Variants in NETO1 observed in about 807,000 individuals in gnomAD.
NETO1 encodes the protein neuropilin and tolloid-like protein 1.
NETO1 carries 26 observed loss-of-function variants against 61.3 expected under a neutral mutation model. The observed-to-expected ratio is 0.42, with a 90% CI of 0.31 to 0.59. The LOEUF (loss-of-function observed/expected upper bound fraction) is 0.59, where lower values mean the gene tolerates loss of function less well. Among genes scored for constraint, NETO1 ranks in the 20% least tolerant of loss-of-function variants. The probability of loss-of-function intolerance (pLI) is 0.12; values close to 1 mark genes in which losing one functional copy is unlikely to be tolerated. For missense variants in NETO1, 531 were observed against 662.8 expected (o/e 0.80, Z 2.18); for synonymous variants, 225 against 225.8 (o/e 1.00, Z 0.03).
At chr18:72,858,793 A>G in intron 4 of NETO1, 33 bp downstream of exon 4, 1 of 1,560,748 alleles carries the variant, frequency 6.4e-7, no homozygotes, top group East Asian at 2.2e-5. Context: ...AATGAGGAAG[A>G]AAAAGAAATT....
intron 7 of NETO1, among the ~76,000 whole-genome samples, chr18:72,764,158 A>G (rs1442351977): frequency 6.6e-6 from 1 of 152,188 alleles, no homozygotes; most frequent in East Asian, 1.9e-4. Context: ...GCCAAACCAT[A>G]TCAGAGTACA....
At chr18:72,844,754 A>C (rs900026880) in intron 4 of NETO1, among the ~76,000 whole-genome samples, 14 of 152,216 alleles carry the variant, frequency 9.2e-5, no homozygotes, top group African/African-American at 3.1e-4. Flanking sequence ...TAAAGATGTA[A>C]ACCGAGGTTG....
chr18:72,788,262 G>T (rs531845169), intron 6 of NETO1, among the ~76,000 whole-genome samples: 1 of 152,054 alleles, frequency 6.6e-6, no homozygotes, highest in Non-Finnish European at 1.5e-5. Flanking sequence ...AGGTAATCAC[G>T]TCTGAAGCAT....
At position 72,858,994 on chromosome 18, in the gene NETO1, T is replaced by C. The variant is rs2074488428; in HGVS notation, c.301A>G (p.Ile101Val). ...CCAAAAGGTCCATCTCGAACTTCAA[T>C]ATGATCAAATTTGCACTCCCAAGAC... ...EPSWECKFDH[I>V]EVRDGPFGFS... Residue 101 changes from isoleucine to valine, a missense_variant, in exon 4 of 11, where the codon ATT becomes GTT. Ile to Val is a conservative substitution (Grantham distance 29, BLOSUM62 3). Transcript: ENST00000327305. 1.9e-6 allele frequency: 3 copies of C among 1,613,690 alleles called. No homozygotes were observed. Among genetic ancestry groups the C allele is most frequent in the African/African-American group, 2.7e-5 (2 of 74,866 alleles).
intron 4 of NETO1, among the ~76,000 whole-genome samples, chr18:72,827,408 C>T (rs967601430): frequency 2.6e-5 from 4 of 152,152 alleles, no homozygotes; most frequent in African/African-American, 7.2e-5. Flanking sequence ...GGAGCCCCTC[C>T]ATAGGGTTGT....
intron 4 of NETO1, among the ~76,000 whole-genome samples, chr18:72,822,563 A>G (rs2073234824): frequency 6.6e-6 from 1 of 152,216 alleles, no homozygotes; most frequent in Non-Finnish European, 1.5e-5. Flanking sequence ...AATTCGCTAG[A>G]TAAGTTTAAC....
At chr18:72,833,847 C>T (rs1258676949) in intron 4 of NETO1, among the ~76,000 whole-genome samples, 10 of 152,160 alleles carry the variant, frequency 6.6e-5, no homozygotes, top group African/African-American at 1.4e-4. Context: ...CGTCCCTGCA[C>T]GAAATAGCTG....
intron 6 of NETO1, among the ~76,000 whole-genome samples, chr18:72,789,214 A>G (rs890485989): frequency 8.7e-4 from 100 of 114,766 alleles, no homozygotes; most frequent in African/African-American, 2.9e-3. Flanking sequence ...ACACAAGCAC[A>G]CACACACACA....
chr18:72,784,578 A>G (rs1307316182), intron 6 of NETO1, among the ~76,000 whole-genome samples: 3 of 152,188 alleles, frequency 2.0e-5, no homozygotes, highest in Non-Finnish European at 2.9e-5. Context: ...ACAACTCTAT[A>G]AAGTGGCCCA....
chr18:72,862,748 G>A (rs1183266751), intron 3 of NETO1, among the ~76,000 whole-genome samples: 1 of 151,662 alleles, frequency 6.6e-6, no homozygotes, highest in African/African-American at 2.4e-5. Flanking sequence ...AGCCTCCTGA[G>A]TAGCTGGGAC....
chr18:72,854,581 T>C (rs2074358982), intron 4 of NETO1, among the ~76,000 whole-genome samples: 1 of 152,186 alleles, frequency 6.6e-6, no homozygotes, highest in Non-Finnish European at 1.5e-5. Context: ...AGGAGTACAG[T>C]AGATACTGTT....
intron 4 of NETO1, among the ~76,000 whole-genome samples, chr18:72,842,443 T>C (rs139559653): frequency 0.016 from 2,453 of 152,296 alleles, 32 homozygotes; most frequent in Non-Finnish European, 0.029. Flanking sequence ...ATGATGATGA[T>C]GCCACCAATG....
At chr18:72,803,351 G>A (rs796236872) in intron 4 of NETO1, among the ~76,000 whole-genome samples, 5 of 152,222 alleles carry the variant, frequency 3.3e-5, no homozygotes, top group African/African-American at 9.6e-5. Flanking sequence ...AAGGATGCAT[G>A]TGGAACAGAG....
chr18:72,743,180 T>C (rs1172523316), downstream of NETO1, among the ~76,000 whole-genome samples: 3 of 152,180 alleles, frequency 2.0e-5, no homozygotes, highest in Admixed American at 2.0e-4. Flanking sequence ...AATCATGATG[T>C]AAACTCAAAC....
chr18:72,794,510 C>T (rs761769556), intron 4 of NETO1, 106 bp from the exon 5 acceptor site: 11 of 1,093,326 alleles, frequency 1.0e-5, no homozygotes, highest in African/African-American at 3.2e-5. Context: ...TTAAAAAACA[C>T]ATTAGGGAAA....
intron 4 of NETO1, among the ~76,000 whole-genome samples, chr18:72,799,300 C>T (rs1251121518): frequency 1.3e-5 from 2 of 152,150 alleles, no homozygotes; most frequent in South Asian, 2.1e-4. Flanking sequence ...TCTGGGATGA[C>T]GAGTCTACCA....
chr18:72,826,093 G>C (rs749215544), intron 4 of NETO1, among the ~76,000 whole-genome samples: 1 of 152,044 alleles, frequency 6.6e-6, no homozygotes, highest in Non-Finnish European at 1.5e-5. Flanking sequence ...AGTACATTTA[G>C]AGAAATGACA....
At chr18:72,760,775 TA>T (rs2070944688) in intron 7 of NETO1, among the ~76,000 whole-genome samples, 2 of 152,270 alleles carry the variant, frequency 1.3e-5, no homozygotes, top group South Asian at 4.1e-4. Context: ...TAAACCGTTT[TA>T]GGAGAGTACT....
At chr18:72,797,198 A>C (rs913265343) in intron 4 of NETO1, among the ~76,000 whole-genome samples, 8 of 152,092 alleles carry the variant, frequency 5.3e-5, no homozygotes, top group African/African-American at 1.9e-4. Flanking sequence ...CTGTTTCTAC[A>C]ATTTTTGTGG....
Sources: gnomAD v4.1 joint callset for allele counts (sites outside exome capture counted in the v4.1 genomes callset) on GRCh38, gnomAD v4.1.1 for gene constraint, MANE v1.5 for transcripts, NCBI Gene and HGNC (gene_info 2026-07-23, HGNC 2026-07-21) for gene names.